The following MAP2K6 variants were observed in gnomAD, a reference collection of about 807,000 sequenced individuals.
MAP2K6 encodes dual specificity mitogen-activated protein kinase kinase 6.
MAP2K6 carries 16 observed loss-of-function variants against 53.7 expected under a neutral mutation model. The ratio of observed to expected loss-of-function variants is 0.30; its 90% CI spans 0.20 to 0.45. The LOEUF (loss-of-function observed/expected upper bound fraction) is 0.45. Ranked by LOEUF, MAP2K6 falls within the 20% of genes least tolerant of loss-of-function variation. The probability of loss-of-function intolerance (pLI) is 1.00; values close to 1 mark genes in which losing one functional copy is unlikely to be tolerated. For missense variants in MAP2K6, 204 were observed against 411.9 expected, an observed-to-expected ratio of 0.50 and a Z score of 4.37; for synonymous variants, 132 against 143.1, an observed-to-expected ratio of 0.92 and a Z score of 0.55.
At chr17:69,421,342 C>A (rs923506431) in intron 1 of MAP2K6, among the ~76,000 whole-genome samples, 6 of 152,184 alleles carry the variant, frequency 3.9e-5, no homozygotes, top group Non-Finnish European at 8.8e-5. Flanking sequence ...CCTACCTAAG[C>A]CTTCTGAACA....
At chr17:69,465,059 C>T (rs919882731) in intron 1 of MAP2K6, among the ~76,000 whole-genome samples, 2 of 151,842 alleles carry the variant, frequency 1.3e-5, no homozygotes, top group African/African-American at 4.8e-5. Flanking sequence ...TTCATTTTTA[C>T]AGACCCCCAC....
intron 1 of MAP2K6, among the ~76,000 whole-genome samples, chr17:69,446,741 C>G (rs1003443246): frequency 2.0e-5 from 3 of 152,076 alleles, no homozygotes; most frequent in Admixed American, 6.6e-5. Context: ...CATTTGAGTA[C>G]CCCCCACAGA....
intron 1 of MAP2K6, among the ~76,000 whole-genome samples, chr17:69,426,666 G>A (rs1289423097): frequency 6.6e-6 from 1 of 152,128 alleles, no homozygotes; most frequent in African/African-American, 2.4e-5. Context: ...GTTGACAGGT[G>A]TGGAGGTATC....
chr17:69,447,669 A>C (rs559332387), intron 1 of MAP2K6, among the ~76,000 whole-genome samples: 1 of 152,216 alleles, frequency 6.6e-6, no homozygotes, highest in African/African-American at 2.4e-5. Flanking sequence ...TGATGATTGC[A>C]TGGAAGGCAG....
rs1908421280 is a variant in MAP2K6 at position 69,483,547 on chromosome 17, A to G, written c.17-22233A>G. 2.0e-5 allele frequency among the ~76,000 whole-genome samples: 3 copies of G among 152,082 alleles called. No individual in the cohort carries two copies. In the South Asian group the frequency reaches 6.2e-4, roughly 31 times the overall value. Reference sequence around the variant, plus strand: ...GTTTCCAAATTGATCTGAAGATTAAATGCAATTCTCATGAGAATTTCAGCT... The same window carrying G: ...GTTTCCAAATTGATCTGAAGATTAAGTGCAATTCTCATGAGAATTTCAGCT... On this transcript the variant is annotated intron_variant, in intron 1 of 11. Transcript: ENST00000590474.
At chr17:69,439,773 C>T (rs1906758970) in intron 1 of MAP2K6, among the ~76,000 whole-genome samples, 1 of 152,148 alleles carries the variant, frequency 6.6e-6, no homozygotes, top group African/African-American at 2.4e-5. Context: ...AGTTTGCCTC[C>T]TGAGAACAAC....
chr17:69,446,511 GCT>G (rs1906968236), intron 1 of MAP2K6, among the ~76,000 whole-genome samples: 1 of 152,204 alleles, frequency 6.6e-6, no homozygotes, highest in Admixed American at 6.5e-5. Flanking sequence ...GTATTCCAGA[GCT>G]CTCATGTGTA....
chr17:69,514,857 T>A (rs1910057469), intron 2 of MAP2K6, among the ~76,000 whole-genome samples: 2 of 152,042 alleles, frequency 1.3e-5, no homozygotes, highest in South Asian at 4.1e-4. Flanking sequence ...CCACTGCGCC[T>A]CCGCCCATAT....
intron 1 of MAP2K6, among the ~76,000 whole-genome samples, chr17:69,474,333 C>T (rs886755978): frequency 1.2e-4 from 18 of 152,180 alleles, no homozygotes; most frequent in Non-Finnish European, 2.2e-4. Flanking sequence ...TGCCCTGCTT[C>T]GTGGCTTTTG....
intron 1 of MAP2K6, among the ~76,000 whole-genome samples, chr17:69,430,143 A>G (rs1345665191): frequency 3.3e-5 from 5 of 152,176 alleles, no homozygotes; most frequent in African/African-American, 9.7e-5. Context: ...CCTGTCCACC[A>G]TGGTGGAACC....
At chr17:69,541,377 T>C (rs1911622652) in intron 11 of MAP2K6, among the ~76,000 whole-genome samples, 1 of 152,236 alleles carries the variant, frequency 6.6e-6, no homozygotes, top group Admixed American at 6.5e-5. Flanking sequence ...GGGTTGTTTT[T>C]TGTCAATCTT....
rs377664332 is a variant in MAP2K6 at position 69,447,127 on chromosome 17, G to A, written c.16+32127G>A. On this transcript the variant is annotated intron_variant, in intron 1 of 11. Transcript: ENST00000590474. Reference sequence around the variant, plus strand: ...CTAGTAGCTGGGATTACAGGCATGCGTCACCACGCCTGGCTAATTTTTTGT... The same window carrying A: ...CTAGTAGCTGGGATTACAGGCATGCATCACCACGCCTGGCTAATTTTTTGT... Among the ~76,000 whole-genome samples, 590 of 151,842 alleles carry A rather than the reference G, an allele frequency of 3.9e-3. 4 individuals carry two copies. The highest frequency in any genetic ancestry group is 0.013 in the African/African-American group (551 of 41,388).
At chr17:69,504,992 C>G (rs34498161) in intron 1 of MAP2K6, among the ~76,000 whole-genome samples, 2 of 151,778 alleles carry the variant, frequency 1.3e-5, no homozygotes, top group South Asian at 2.1e-4. Flanking sequence ...ATTCTACTTC[C>G]ATTGCTAACT....
At position 69,518,245 on chromosome 17, in the gene MAP2K6, G is replaced by A. The variant is rs548030039; in HGVS notation, c.246+632G>A. Among the ~76,000 whole-genome samples, 9 of 152,106 alleles carry A rather than the reference G, an allele frequency of 5.9e-5. No individual in the cohort carries two copies. The South Asian group carries it at 1.9e-3, about 32-fold the overall frequency. On this transcript the variant is annotated intron_variant, in intron 4 of 11. Transcript: ENST00000590474. ...TGATACTTCCTTCATCTAATCCGGA[G>A]TCCAAATGAAAATTTCCTTGATCAT...
chr17:69,449,530 TG>T lies in MAP2K6; in HGVS notation c.16+34531del, dbSNP rs1567821664. Among the ~76,000 whole-genome samples the T allele has an allele frequency of 2.3e-3, 196 of 84,108 alleles. 3 individuals are homozygous for T. Among genetic ancestry groups the T allele is most frequent in the Non-Finnish European group, 2.8e-3 (112 of 40,530 alleles). The allele number at this position is 84,108 out of a possible 152,430, so 55.2% of individuals were successfully genotyped here. ...CTTTCTTTCTTTGTCTTTCTTTCTT[TG>T]TCTTTCTTTCTTTCTTTCTTTCTTT... On this transcript the variant is annotated intron_variant, in intron 1 of 11. Coordinates refer to ENST00000590474, the MANE Select transcript of MAP2K6 (RefSeq NM_002758.4).
chr17:69,495,561 A>T (rs1443754591), intron 1 of MAP2K6, among the ~76,000 whole-genome samples: 1 of 152,120 alleles, frequency 6.6e-6, no homozygotes, highest in African/African-American at 2.4e-5. Flanking sequence ...AAACATATTC[A>T]AAAGTGGACT....
intron 1 of MAP2K6, among the ~76,000 whole-genome samples, chr17:69,453,021 A>G (rs939165036): frequency 6.6e-6 from 1 of 152,168 alleles, no homozygotes; most frequent in African/African-American, 2.4e-5. Context: ...TGTCATAGCT[A>G]AGAAGCCAAC....
At chr17:69,424,833 C>A (rs912801437) in intron 1 of MAP2K6, among the ~76,000 whole-genome samples, 10 of 152,150 alleles carry the variant, frequency 6.6e-5, no homozygotes, top group African/African-American at 1.9e-4. Flanking sequence ...CTCATTTTGA[C>A]TCTTAAGGTT....
At chr17:69,539,846 GATGGTAGAGTCCTTGGTA>G (rs1194709997) in intron 11 of MAP2K6, among the ~76,000 whole-genome samples, 1 of 152,196 alleles carries the variant, frequency 6.6e-6, no homozygotes, top group Non-Finnish European at 1.5e-5. Context: ...TAATAAGCAT[GATGGTAGAGTCCTTGGTA>G]AGTGTGCTGT....
Sources: allele counts gnomAD v4.1 joint callset (sites outside exome capture counted in the v4.1 genomes callset), GRCh38; gene constraint gnomAD v4.1.1; transcripts MANE v1.5; gene names NCBI Gene and HGNC (gene_info 2026-07-23, HGNC 2026-07-21).